Variants in FRMD4B observed in about 807,000 individuals in gnomAD.
FRMD4B encodes FERM domain-containing protein 4B.
Under a neutral mutation model 141.5 loss-of-function variants are expected in FRMD4B, and 74 were observed. That is an observed-to-expected ratio of 0.52 (90% confidence interval 0.43 to 0.63). FRMD4B has a LOEUF of 0.63. Ranked by LOEUF, FRMD4B falls within the 30% of genes least tolerant of loss-of-function variation. The pLI, the probability that FRMD4B is intolerant of heterozygous loss-of-function variation, is 0.00. For missense variants in FRMD4B, 1,366 were observed against 1,253.4 expected (o/e 1.09, Z -1.36); for synonymous variants, 506 against 467.9 (o/e 1.08, Z -1.05).
chr3:69,480,121 A>T (rs973167396), intron 1 of FRMD4B, among the ~76,000 whole-genome samples: 1 of 152,136 alleles, frequency 6.6e-6, no homozygotes, highest in Non-Finnish European at 1.5e-5. Flanking sequence ...AATTTTTTTC[A>T]AAGTTTTTAA....
At chr3:69,352,735 C>A (rs1440404082) in intron 1 of FRMD4B, among the ~76,000 whole-genome samples, 1 of 152,134 alleles carries the variant, frequency 6.6e-6, no homozygotes, top group Non-Finnish European at 1.5e-5. Context: ...AATTGGAAGC[C>A]GTCCCCAAAA....
intron 1 of FRMD4B, among the ~76,000 whole-genome samples, chr3:69,382,429 C>T (rs1704139398): frequency 6.6e-6 from 1 of 152,212 alleles, no homozygotes; most frequent in Non-Finnish European, 1.5e-5. Flanking sequence ...CTCACCTTGG[C>T]CTCCCAAAGT....
chr3:69,516,915 T>C (rs1261852627), intron 1 of FRMD4B, among the ~76,000 whole-genome samples: 1 of 152,198 alleles, frequency 6.6e-6, no homozygotes, highest in Non-Finnish European at 1.5e-5. Flanking sequence ...CGATAACCTT[T>C]CTTAACATCT....
rs764340324 is a variant in FRMD4B, at chr3:69,181,462, C to T, written c.2288G>A (p.Arg763Gln). The T allele has an allele frequency of 2.5e-5, 40 of 1,613,720 alleles. No homozygotes were observed. The highest frequency in any genetic ancestry group is 2.0e-4 in the Admixed American group (12 of 59,980). The change falls in exon 21 of 23, where the codon CGG becomes CAG. Residue 763 changes from arginine (R) to glutamine (Q), a missense_variant. Coordinates refer to ENST00000398540, the MANE Select transcript of FRMD4B (RefSeq NM_015123.3). ...AACATTCTGTTTCTTTGACCTCCTC[C>T]GACCCCTGGTGCGAGTGTCCAGGGT... is the stretch of plus-strand genomic sequence containing the variant. ...TQTLDTRTRG[R>Q]RRSKKQNVST... is the part of the protein sequence containing the mutation.
intron 5 of FRMD4B, among the ~76,000 whole-genome samples, chr3:69,277,782 G>A (rs1373841095): frequency 1.3e-5 from 2 of 151,892 alleles, no homozygotes; most frequent in Non-Finnish European, 1.5e-5. Flanking sequence ...CACCTGCCTT[G>A]GCCTCCCAAA....
chr3:69,415,355 C>G (rs1488938728), intron 2 of FRMD4B, among the ~76,000 whole-genome samples: 1 of 152,196 alleles, frequency 6.6e-6, no homozygotes, highest in African/African-American at 2.4e-5. Context: ...GATTGGGGAG[C>G]AGATCCATGC....
At chr3:69,532,004 C>CT (rs1701015177) in intron 1 of FRMD4B, among the ~76,000 whole-genome samples, 1 of 152,152 alleles carries the variant, frequency 6.6e-6, no homozygotes, top group African/African-American at 2.4e-5. Context: ...AATTGAATTA[C>CT]TTTAACATAG....
At chr3:69,172,226 T>C (rs2092595413) in intron 22 of FRMD4B, among the ~76,000 whole-genome samples, 1 of 152,216 alleles carries the variant, frequency 6.6e-6, no homozygotes, top group African/African-American at 2.4e-5. Flanking sequence ...TTAACTTGTG[T>C]TTCATTGATC....
At chr3:69,404,730 G>A (rs1704622171) in intron 2 of FRMD4B, among the ~76,000 whole-genome samples, 1 of 152,092 alleles carries the variant, frequency 6.6e-6, no homozygotes, top group African/African-American at 2.4e-5. Flanking sequence ...AAGTTCATGT[G>A]AGCAGCTTGG....
chr3:69,279,787 C>T (rs1407867992), intron 5 of FRMD4B, among the ~76,000 whole-genome samples: 1 of 128,632 alleles, frequency 7.8e-6, no homozygotes, highest in Non-Finnish European at 1.6e-5. Context: ...CTCCTCTCCT[C>T]CTCCTCCTCC....
At chr3:69,360,350 AAAGAT>A (rs527722153) in intron 1 of FRMD4B, among the ~76,000 whole-genome samples, 192 of 152,376 alleles carry the variant, frequency 1.3e-3, no homozygotes, top group Non-Finnish European at 2.3e-3. Flanking sequence ...ATTCAATATA[AAAGAT>A]AAGGACTCTT....
intron 2 of FRMD4B, among the ~76,000 whole-genome samples, chr3:69,313,131 G>A (rs1353937189): frequency 6.6e-6 from 1 of 152,064 alleles, no homozygotes; most frequent in Non-Finnish European, 1.5e-5. Context: ...CCAATTTACC[G>A]GCAAGAGACT....
chr3:69,437,436 T>C (rs908087404), intron 1 of FRMD4B, among the ~76,000 whole-genome samples: 1 of 148,002 alleles, frequency 6.8e-6, no homozygotes, highest in African/African-American at 2.5e-5. Context: ...TATATACATA[T>C]ATATAATATA....
chr3:69,368,046 C>T (rs1703716563), intron 1 of FRMD4B, among the ~76,000 whole-genome samples: 1 of 152,194 alleles, frequency 6.6e-6, no homozygotes, highest in Non-Finnish European at 1.5e-5. Context: ...TTTTCCTTCT[C>T]TCTTTTTTTA....
chr3:69,479,414 T>C (rs1021010663), intron 1 of FRMD4B, among the ~76,000 whole-genome samples: 15 of 152,232 alleles, frequency 9.9e-5, no homozygotes, highest in African/African-American at 3.1e-4. Flanking sequence ...GGTGACAAAA[T>C]CTCTCAGCAT....
chr3:69,203,138 AGTTT>A (rs960483211), intron 11 of FRMD4B, among the ~76,000 whole-genome samples: 5 of 151,862 alleles, frequency 3.3e-5, no homozygotes, highest in African/African-American at 1.2e-4. Context: ...AGACGATTAC[AGTTT>A]ATTTAATGAA....
In FRMD4B at chr3:69,181,354, G is replaced by T; in HGVS notation, c.2396C>A (p.Pro799Gln). 6.2e-7 allele frequency: 1 copy of T among 1,613,854 alleles called. No individual in the cohort carries two copies. Reference protein sequence around the residue: ...RNGVYSKSQEPPSSSYYIAGY... With the variant: ...RNGVYSKSQEQPSSSYYIAGY... The stretch of plus-strand genomic sequence containing the variant: ...GGCAATGTAGTAACTGGAAGACGGT[G>T]GCTCCTGACTCTTTGAGTAAACACC... Residue 799 changes from proline to glutamine, a missense_variant, in exon 21 of 23, where the codon CCA becomes CAA. Physicochemically the swap from Pro to Gln is moderately conservative, Grantham distance 76. Coordinates refer to ENST00000398540, the MANE Select transcript of FRMD4B (RefSeq NM_015123.3).
At chr3:69,311,705 A>G (rs1701594675) in intron 2 of FRMD4B, among the ~76,000 whole-genome samples, 1 of 152,172 alleles carries the variant, frequency 6.6e-6, no homozygotes, top group South Asian at 2.1e-4. Context: ...AATATTAAAC[A>G]CCTTGCTGCT....
intron 7 of FRMD4B, among the ~76,000 whole-genome samples, chr3:69,245,360 GAC>G (rs2093416996): frequency 6.9e-6 from 1 of 145,918 alleles, no homozygotes; most frequent in Non-Finnish European, 1.5e-5. Context: ...TGTGTTTTTA[GAC>G]AGAGTCTTGC....
Sources: gnomAD v4.1 joint callset for allele counts (sites outside exome capture counted in the v4.1 genomes callset) on GRCh38, gnomAD v4.1.1 for gene constraint, MANE v1.5 for transcripts, NCBI Gene and HGNC (gene_info 2026-07-23, HGNC 2026-07-21) for gene names.